Variants in CDH18 observed in about 807,000 individuals in gnomAD.
The protein encoded by CDH18 is cadherin-18.
A neutral mutation model predicts 67.9 loss-of-function variants in CDH18; 31 were observed. The observed-to-expected ratio is 0.46, with a 90% confidence interval of 0.34 to 0.62. The LOEUF is 0.62. Ranked by LOEUF, CDH18 falls within the 20% of genes least tolerant of loss-of-function variation. CDH18 has a pLI of 0.01. For missense variants in CDH18, 890 were observed against 975.5 expected (o/e 0.91, Z 1.17); for synonymous variants, 362 against 347.2 (o/e 1.04, Z -0.48).
intron 1 of CDH18, among the ~76,000 whole-genome samples, chr5:20,346,111 A>G (rs2150050345): frequency 6.6e-6 from 1 of 152,150 alleles, no homozygotes; most frequent in Non-Finnish European, 1.5e-5. Context: ...ACCGTTTAGA[A>G]TGGCTGTTTG....
At chr5:19,616,998 G>A (rs1387920662) in intron 5 of CDH18, among the ~76,000 whole-genome samples, 1 of 152,020 alleles carries the variant, frequency 6.6e-6, no homozygotes, top group Non-Finnish European at 1.5e-5. Context: ...ACATTCCAAA[G>A]GCCTCATCTC....
intron 1 of CDH18, among the ~76,000 whole-genome samples, chr5:20,441,907 A>T (rs1749635169): frequency 1.3e-5 from 2 of 151,602 alleles, no homozygotes; most frequent in Admixed American, 6.6e-5. Context: ...AATGATTATT[A>T]AAAATAATGT....
intron 2 of CDH18, among the ~76,000 whole-genome samples, chr5:20,044,563 AC>A (rs1285129477): frequency 6.6e-6 from 1 of 152,206 alleles, no homozygotes; most frequent in Admixed American, 6.5e-5. Flanking sequence ...CCACTTGTTA[AC>A]CCTTTCCAAC....
intron 1 of CDH18, chr5:20,305,525 A>G: frequency 6.8e-6 from 6 of 879,498 alleles, no homozygotes; most frequent in South Asian, 6.6e-5. Context: ...GCAGCGGCGC[A>G]GGGGTCTCGA....
At chr5:19,980,367 AAAGT>A (rs1798916480) in intron 2 of CDH18, among the ~76,000 whole-genome samples, 1 of 152,178 alleles carries the variant, frequency 6.6e-6, no homozygotes, top group Non-Finnish European at 1.5e-5. Context: ...TACATCAGAA[AAAGT>A]AAGCAACCAT....
chr5:20,164,741 C>T (rs1206126980), intron 2 of CDH18, among the ~76,000 whole-genome samples: 1 of 152,140 alleles, frequency 6.6e-6, no homozygotes, highest in Non-Finnish European at 1.5e-5. Context: ...TTAGATGTAA[C>T]TCTTCAATAA....
chr5:19,931,695 A>G (rs1793713830), intron 2 of CDH18, among the ~76,000 whole-genome samples: 2 of 151,938 alleles, frequency 1.3e-5, no homozygotes, highest in Admixed American at 1.3e-4. Context: ...AGAAATGGGA[A>G]AATGCAACAA....
intron 1 of CDH18, among the ~76,000 whole-genome samples, chr5:20,377,119 G>A (rs1040380696): frequency 6.6e-6 from 1 of 152,068 alleles, no homozygotes; most frequent in Non-Finnish European, 1.5e-5. Context: ...AAAGCTTGGT[G>A]GATAAGAAAG....
chr5:20,297,184 T>C (rs538625600), intron 1 of CDH18, among the ~76,000 whole-genome samples: 1 of 152,228 alleles, frequency 6.6e-6, no homozygotes, highest in Non-Finnish European at 1.5e-5. Flanking sequence ...ATAAAAATCA[T>C]GAAAATGATC....
intron 1 of CDH18, among the ~76,000 whole-genome samples, chr5:20,433,515 G>A (rs546239148): frequency 6.6e-6 from 1 of 152,072 alleles, no homozygotes; most frequent in Non-Finnish European, 1.5e-5. Flanking sequence ...GATGGTCTGA[G>A]GAGAAGAGGA....
chr5:19,527,290 T>G (rs1413728639), intron 9 of CDH18, among the ~76,000 whole-genome samples: 3 of 151,658 alleles, frequency 2.0e-5, no homozygotes, highest in Admixed American at 1.3e-4. Flanking sequence ...TAAGTTTTAG[T>G]TAAAAAAAAG....
At chr5:20,282,821 C>A (rs1256833518) in intron 1 of CDH18, among the ~76,000 whole-genome samples, 2 of 152,034 alleles carry the variant, frequency 1.3e-5, no homozygotes, top group African/African-American at 2.4e-5. Context: ...CCAAAATAGC[C>A]AAACTTATTC....
intron 2 of CDH18, among the ~76,000 whole-genome samples, chr5:20,024,021 T>C (rs1360874733): frequency 6.6e-6 from 1 of 152,220 alleles, no homozygotes; most frequent in East Asian, 1.9e-4. Flanking sequence ...GCCAAGGCAG[T>C]ACAAGGAGTA....
chr5:20,513,520 G>A (rs571558965), intron 1 of CDH18, among the ~76,000 whole-genome samples: 1 of 152,088 alleles, frequency 6.6e-6, no homozygotes, highest in African/African-American at 2.4e-5. Context: ...AATAAACAAT[G>A]CATCACAAAC....
chr5:19,762,388 A>G (rs1244802707), intron 3 of CDH18, among the ~76,000 whole-genome samples: 2 of 152,142 alleles, frequency 1.3e-5, no homozygotes, highest in Admixed American at 6.5e-5. Context: ...ACTTAAACAA[A>G]TTTACAAGAA....
At chr5:20,507,901 T>A (rs1017956354) in intron 1 of CDH18, among the ~76,000 whole-genome samples, 3 of 152,128 alleles carry the variant, frequency 2.0e-5, no homozygotes, top group Non-Finnish European at 4.4e-5. Context: ...TAAGGCAATA[T>A]CTAGACACGC....
At chr5:20,391,325 C>T (rs1315092225) in intron 1 of CDH18, among the ~76,000 whole-genome samples, 1 of 151,820 alleles carries the variant, frequency 6.6e-6, no homozygotes, top group Non-Finnish European at 1.5e-5. Flanking sequence ...AATCCTGCAT[C>T]AGTAGACTCT....
At chr5:20,000,179 G>A (rs1476136366) in intron 2 of CDH18, among the ~76,000 whole-genome samples, 2 of 152,114 alleles carry the variant, frequency 1.3e-5, no homozygotes, top group Admixed American at 6.6e-5. Context: ...TAGGGATGGC[G>A]TTGGCCTAGT....
chr5:20,414,057 G>T (rs965478658), intron 1 of CDH18, among the ~76,000 whole-genome samples: 2 of 152,148 alleles, frequency 1.3e-5, no homozygotes, highest in African/African-American at 4.8e-5. Flanking sequence ...TGTTGGCAAG[G>T]ATTTTGAGAA....
Sources: gnomAD v4.1 joint callset for allele counts (sites outside exome capture counted in the v4.1 genomes callset) on GRCh38, gnomAD v4.1.1 for gene constraint, MANE v1.5 for transcripts, NCBI Gene and HGNC (gene_info 2026-07-23, HGNC 2026-07-21) for gene names.